Variants in BCR observed in about 807,000 individuals in gnomAD.
BCR encodes the protein breakpoint cluster region protein.
Under a neutral mutation model 138.6 loss-of-function variants are expected in BCR, and 58 were observed. That is an observed-to-expected ratio of 0.42 (90% CI 0.34 to 0.52). BCR has a LOEUF of 0.52. Ranked by LOEUF, BCR falls within the 20% of genes least tolerant of loss-of-function variation. The pLI, the probability that BCR is intolerant of heterozygous loss-of-function variation, is 0.06. For synonymous variants in BCR, 786 were observed against 730.1 expected (o/e 1.08, Z -1.23); for missense variants, 1,599 against 1,727.2 (o/e 0.93, Z 1.32).
chr22:23,295,638 G>A (rs556258783), intron 16 of BCR, among the ~76,000 whole-genome samples: 1 of 152,244 alleles, frequency 6.6e-6, no homozygotes, highest in East Asian at 1.9e-4. Flanking sequence ...TGAACAGGGT[G>A]CACACAGACA....
intron 2 of BCR, among the ~76,000 whole-genome samples, chr22:23,255,627 C>G (rs1420004324): frequency 6.6e-6 from 1 of 152,160 alleles, no homozygotes. Flanking sequence ...TTCCTGGCCC[C>G]GAAAGGAAGC....
chr22:23,213,326 G>C (rs767179360), intron 1 of BCR, among the ~76,000 whole-genome samples: 8 of 152,198 alleles, frequency 5.3e-5, no homozygotes, highest in Non-Finnish European at 1.0e-4. Context: ...AGTCCTGGGG[G>C]CCCTGAGTGA....
intron 1 of BCR, among the ~76,000 whole-genome samples, chr22:23,189,729 T>A (rs2072391040): frequency 6.6e-6 from 1 of 152,134 alleles, no homozygotes; most frequent in Admixed American, 6.5e-5. Context: ...CTCAATCGTT[T>A]GACCCCGTGA....
chr22:23,276,512 G>A (rs2073578435), intron 8 of BCR, among the ~76,000 whole-genome samples: 1 of 152,224 alleles, frequency 6.6e-6, no homozygotes, highest in African/African-American at 2.4e-5. Context: ...ATTGAGGAGG[G>A]GTCACCTGGG....
intron 16 of BCR, among the ~76,000 whole-genome samples, chr22:23,297,214 G>GTTTTTTTTTTTTTTT (rs200181094): frequency 1.2e-5 from 1 of 85,560 alleles, no homozygotes; most frequent in Admixed American, 1.2e-4. Flanking sequence ...GTTGTTTTTT[G>GTTTTTTTTTTTTTTT]TTTTTTGTTT....
At chr22:23,208,110 G>A (rs1189744249) in intron 1 of BCR, among the ~76,000 whole-genome samples, 1 of 152,240 alleles carries the variant, frequency 6.6e-6, no homozygotes, top group Non-Finnish European at 1.5e-5. Context: ...ACACGCTGGA[G>A]CTTCGTGTTT....
intron 1 of BCR, among the ~76,000 whole-genome samples, chr22:23,222,097 CAAAA>C (rs902806010): frequency 6.6e-6 from 1 of 151,216 alleles, no homozygotes. Context: ...TCTCAAAAAA[CAAAA>C]AAAAGAGAGA....
At chr22:23,212,817 T>C (rs2072702330) in intron 1 of BCR, among the ~76,000 whole-genome samples, 1 of 152,244 alleles carries the variant, frequency 6.6e-6, no homozygotes, top group Admixed American at 6.5e-5. Flanking sequence ...ACCTGCTCTC[T>C]GGGCAAGAGA....
chr22:23,227,485 T>C (rs1057077202), intron 1 of BCR, among the ~76,000 whole-genome samples: 5 of 152,212 alleles, frequency 3.3e-5, no homozygotes, highest in African/African-American at 1.2e-4. Flanking sequence ...ATCTTGACTG[T>C]AAGCATGGTT....
chr22:23,219,419 G>A (rs979925601), intron 1 of BCR, among the ~76,000 whole-genome samples: 15 of 152,288 alleles, frequency 9.8e-5, no homozygotes, highest in African/African-American at 3.4e-4. Context: ...GGAACCCAGC[G>A]GGGCAGTCTG....
At chr22:23,314,898 G>A (rs1350013224) in intron 22 of BCR, among the ~76,000 whole-genome samples, 184 bp downstream of exon 22, 1 of 152,216 alleles carries the variant, frequency 6.6e-6, no homozygotes, top group African/African-American at 2.4e-5. Flanking sequence ...GCCACCTCCT[G>A]GTCCTGCTAG....
At chr22:23,249,084 A>G (rs1297007688) in intron 1 of BCR, among the ~76,000 whole-genome samples, 1 of 151,968 alleles carries the variant, frequency 6.6e-6, no homozygotes, top group Non-Finnish European at 1.5e-5. Flanking sequence ...CCAGAGTTTA[A>G]GATCAGCCTG....
intron 1 of BCR, among the ~76,000 whole-genome samples, chr22:23,220,882 G>A (rs2072817134): frequency 6.6e-6 from 1 of 152,166 alleles, no homozygotes; most frequent in East Asian, 1.9e-4. Context: ...TGGATAAGGG[G>A]CTAGATTTGC....
intron 1 of BCR, among the ~76,000 whole-genome samples, chr22:23,197,308 T>C (rs1005450306): frequency 6.6e-6 from 1 of 152,044 alleles, no homozygotes; most frequent in South Asian, 2.1e-4. Context: ...GTAGGTACAC[T>C]CTATGATGTT....
At chr22:23,183,701 C>A (rs1391689421) in intron 1 of BCR, among the ~76,000 whole-genome samples, 1 of 152,150 alleles carries the variant, frequency 6.6e-6, no homozygotes, top group East Asian at 1.9e-4. Flanking sequence ...GCCCTCAGTG[C>A]CATGGTGCAG....
intron 1 of BCR, among the ~76,000 whole-genome samples, chr22:23,225,412 T>C (rs1343520571): frequency 2.0e-5 from 3 of 152,182 alleles, no homozygotes; most frequent in African/African-American, 7.2e-5. Context: ...GTGGAGGGCA[T>C]GCGCTTTGCC....
intron 1 of BCR, among the ~76,000 whole-genome samples, chr22:23,233,441 A>T (rs572299549): frequency 3.9e-4 from 60 of 152,240 alleles, no homozygotes; most frequent in South Asian, 6.2e-4. Flanking sequence ...TATGTGTAAA[A>T]TGCCTGGCTC....
chr22:23,237,821 T>C (rs1008028373), intron 1 of BCR, among the ~76,000 whole-genome samples: 4 of 152,236 alleles, frequency 2.6e-5, no homozygotes, highest in African/African-American at 9.6e-5. Context: ...AGCAGATACA[T>C]GGCTCTGCCA....
chr22:23,288,740 C>T (rs2073747757), intron 12 of BCR, among the ~76,000 whole-genome samples: 1 of 152,242 alleles, frequency 6.6e-6, no homozygotes, highest in Non-Finnish European at 1.5e-5. Context: ...CAGGGGCGCT[C>T]CCTCCTGTCT....
Sources: gnomAD v4.1 joint callset for allele counts (sites outside exome capture counted in the v4.1 genomes callset) on GRCh38, gnomAD v4.1.1 for gene constraint, MANE v1.5 for transcripts, NCBI Gene and HGNC (gene_info 2026-07-23, HGNC 2026-07-21) for gene names.